GLIS3: variants seen among roughly 807,000 people sequenced by gnomAD.
GLIS3 encodes the protein zinc finger protein GLIS3.
GLIS3 carries 53 observed loss-of-function variants against 78.6 expected under a neutral mutation model. The ratio of observed to expected loss-of-function variants is 0.67; its 90% CI spans 0.54 to 0.85. The LOEUF (loss-of-function observed/expected upper bound fraction) is 0.85. Ranked by LOEUF, GLIS3 falls within the 40% of genes least tolerant of loss-of-function variation. The pLI, the probability that GLIS3 is intolerant of heterozygous loss-of-function variation, is 0.00. For synonymous variants in GLIS3, 684 were observed against 509.9 expected (o/e 1.34, Z -4.60); for missense variants, 1,703 against 1,231.1 (o/e 1.38, Z -5.74).
the GLIS3 span, among the ~76,000 whole-genome samples, chr9:4,475,912 CTGTTT>C: frequency 6.6e-6 from 1 of 152,058 alleles, no homozygotes; most frequent in African/African-American, 2.4e-5. Flanking sequence ...TCTTGTTTGT[CTGTTT>C]TATTTTTTTG....
At chr9:3,982,494 C>T (rs975788583) in intron 4 of GLIS3, among the ~76,000 whole-genome samples, 1 of 152,194 alleles carries the variant, frequency 6.6e-6, no homozygotes, top group Non-Finnish European at 1.5e-5. Flanking sequence ...CTGCATTCCT[C>T]TTTTACAAGT....
the GLIS3 span, among the ~76,000 whole-genome samples, chr9:4,389,508 T>C: frequency 1.3e-5 from 2 of 152,206 alleles, no homozygotes; most frequent in African/African-American, 2.4e-5. Context: ...TGGTGAAATA[T>C]GGTCCTGTAG....
upstream of GLIS3, among the ~76,000 whole-genome samples, chr9:4,352,013 G>T (rs971022620): frequency 6.6e-6 from 1 of 152,276 alleles, no homozygotes; most frequent in African/African-American, 2.4e-5. Context: ...AAATAAGCAA[G>T]ATCAATTTTC....
chr9:4,364,414 A>T, the GLIS3 span, among the ~76,000 whole-genome samples: 1 of 152,320 alleles, frequency 6.6e-6, no homozygotes, highest in Non-Finnish European at 1.5e-5. Context: ...CAGTTTCATT[A>T]ATAGGAAATT....
chr9:4,165,990 C>G (rs1439318906), intron 2 of GLIS3, among the ~76,000 whole-genome samples: 1 of 152,086 alleles, frequency 6.6e-6, no homozygotes, highest in Non-Finnish European at 1.5e-5. Context: ...GGGAACAGAG[C>G]ACAATATTTA....
At chr9:4,216,190 A>G (rs1820811331) in intron 2 of GLIS3, among the ~76,000 whole-genome samples, 1 of 152,130 alleles carries the variant, frequency 6.6e-6, no homozygotes, top group African/African-American at 2.4e-5. Flanking sequence ...ATGTGGGTTG[A>G]GGCCAGGCAC....
the GLIS3 span, among the ~76,000 whole-genome samples, chr9:4,480,819 T>C: frequency 2.0e-5 from 3 of 150,752 alleles, no homozygotes; most frequent in Non-Finnish European, 4.4e-5. Flanking sequence ...AAGTAATAAA[T>C]TACTACACCT....
At chr9:4,156,862 T>C (rs768404244) in intron 2 of GLIS3, among the ~76,000 whole-genome samples, 17 of 151,992 alleles carry the variant, frequency 1.1e-4, no homozygotes, top group Middle Eastern at 3.2e-3. Flanking sequence ...CTTGCAGTGG[T>C]TCTCAAAGTG....
chr9:3,889,100 A>G (rs926845502), intron 7 of GLIS3, among the ~76,000 whole-genome samples: 2 of 152,082 alleles, frequency 1.3e-5, no homozygotes, highest in African/African-American at 2.4e-5. Flanking sequence ...CCTTTCTAGG[A>G]AAAAAAATCT....
intron 4 of GLIS3, among the ~76,000 whole-genome samples, chr9:3,969,195 A>C (rs1588343387): frequency 6.6e-6 from 1 of 152,346 alleles, no homozygotes; most frequent in Admixed American, 6.5e-5. Flanking sequence ...TGTTCGAAGA[A>C]GGTAAAACAG....
the GLIS3 span, among the ~76,000 whole-genome samples, chr9:4,480,587 C>T: frequency 6.6e-6 from 1 of 152,078 alleles, no homozygotes; most frequent in African/African-American, 2.4e-5. Context: ...TGCTATATAT[C>T]ATACAGAAGT....
intron 9 of GLIS3, among the ~76,000 whole-genome samples, chr9:3,837,658 G>A (rs1187809869): frequency 1.3e-5 from 2 of 152,192 alleles, no homozygotes; most frequent in Non-Finnish European, 2.9e-5. Context: ...ATATTGCTGA[G>A]TGAAAGAAGC....
chr9:4,141,547 G>GT (rs1485705020), intron 2 of GLIS3, among the ~76,000 whole-genome samples: 1 of 152,176 alleles, frequency 6.6e-6, no homozygotes, highest in Non-Finnish European at 1.5e-5. Context: ...CCTTGGTAGT[G>GT]TATCAGGCCA....
intron 6 of GLIS3, chr9:3,901,207 G>A (rs28391160): frequency 1.5e-3 from 251 of 171,954 alleles, no homozygotes; most frequent in African/African-American, 5.7e-3. Flanking sequence ...TTCAGACTCA[G>A]CCCGCTCGCA....
chr9:3,925,113 A>G (rs186934558), intron 6 of GLIS3, among the ~76,000 whole-genome samples: 2 of 152,332 alleles, frequency 1.3e-5, no homozygotes, highest in East Asian at 3.9e-4. Flanking sequence ...ACTTTGTTAC[A>G]TTTGACAAAA....
the GLIS3 span, among the ~76,000 whole-genome samples, chr9:4,389,628 C>G: frequency 3.0e-4 from 46 of 152,254 alleles, 1 homozygote; most frequent in South Asian, 9.3e-3. Context: ...GTCCTGGACA[C>G]TGGAAGTATG....
In GLIS3 at chr9:4,118,202, C is replaced by T. The variant is rs752789336; in HGVS notation, c.1276G>A (p.Gly426Ser). The part of the protein sequence containing the change: ...GLPGPDSQSA[G>S]LFKTERLEEF... Reference sequence around the variant, plus strand: ...TCCAGGCGTTCGGTCTTGAACAGGCCGGCCGACTGGCTGTCGGGGCCCGGC... The same window carrying T: ...TCCAGGCGTTCGGTCTTGAACAGGCTGGCCGACTGGCTGTCGGGGCCCGGC... The change falls in exon 4 of 11, where the codon GGC becomes AGC. Residue 426 changes from glycine (G) to serine (S), a missense_variant. Physicochemically the swap from Gly to Ser is moderately conservative, Grantham distance 56. Transcript: ENST00000381971. The surrounding 1 kb of genome is among the most constrained non-coding windows in gnomAD (Gnocchi z 4.7). 6.3e-7 allele frequency: 1 copy of T among 1,585,850 alleles called. No individual in the cohort carries two copies. Among genetic ancestry groups the T allele is most frequent in the Non-Finnish European group, 8.6e-7 (1 of 1,165,900 alleles).
Position 4,089,655 on chromosome 9 carries a change from A to G in GLIS3, c.1710+28113T>C, listed in dbSNP as rs575614975. Among the ~76,000 whole-genome samples, 113 of 151,996 alleles carry G rather than the reference A, an allele frequency of 7.4e-4. 1 individual carries two copies. Among genetic ancestry groups the G allele is most frequent in the African/African-American group, 2.7e-3 (110 of 41,476 alleles). On this transcript the variant is annotated intron_variant, in intron 4 of 10. Coordinates refer to ENST00000381971, the MANE Select transcript of GLIS3 (RefSeq NM_001042413.2). ...AGCCTGGGCAAACCCCATCTCTACAATTTTTGTTTTTTAATTAGCCAGGCA... is the reference window on the plus strand; with the variant it reads ...AGCCTGGGCAAACCCCATCTCTACAGTTTTTGTTTTTTAATTAGCCAGGCA...
chr9:3,955,579 T>C (rs746400016), intron 4 of GLIS3, among the ~76,000 whole-genome samples: 24 of 152,138 alleles, frequency 1.6e-4, no homozygotes, highest in Non-Finnish European at 2.5e-4. Context: ...GCAGTAGTTA[T>C]GGTTGGCGTT....
Sources: gnomAD v4.1 joint callset for allele counts (sites outside exome capture counted in the v4.1 genomes callset) on GRCh38, gnomAD v4.1.1 for gene constraint, Gnocchi (gnomAD v3.1) non-coding constraint, MANE v1.5 for transcripts, NCBI Gene and HGNC (gene_info 2026-07-23, HGNC 2026-07-21) for gene names.